The following ITGA6 variants were observed in gnomAD, a reference collection of about 807,000 sequenced individuals.
ITGA6 encodes the protein integrin alpha-6.
A neutral mutation model predicts 133.6 loss-of-function variants in ITGA6; 63 were observed. The observed-to-expected ratio is 0.47, with a 90% CI of 0.38 to 0.58. The LOEUF (loss-of-function observed/expected upper bound fraction) is 0.58. ITGA6 is among the 20% of genes least tolerant of loss of function. The pLI is 0.00. For synonymous variants in ITGA6, 434 were observed against 482.0 expected, an observed-to-expected ratio of 0.90 and a Z score of 1.30; for missense variants, 1,068 against 1,309.4, an observed-to-expected ratio of 0.82 and a Z score of 2.85.
At chr2:172,502,450 C>T (rs112319896) in intron 25 of ITGA6, among the ~76,000 whole-genome samples, 1 of 152,182 alleles carries the variant, frequency 6.6e-6, no homozygotes, top group East Asian at 1.9e-4. Flanking sequence ...ATGCTTTTTA[C>T]TGTTGCTCAG....
chr2:172,503,225 A>G (rs1687419839), intron 25 of ITGA6, among the ~76,000 whole-genome samples: 1 of 152,144 alleles, frequency 6.6e-6, no homozygotes, highest in African/African-American at 2.4e-5. Context: ...TTTTAAAAAA[A>G]GTAAATATAT....
chr2:172,463,668 T>A (rs1328350887), intron 1 of ITGA6, among the ~76,000 whole-genome samples: 1 of 152,166 alleles, frequency 6.6e-6, no homozygotes, highest in African/African-American at 2.4e-5. Context: ...CCTCTGTTTC[T>A]TTATCTGTAA....
chr2:172,428,100 CGCACCCA>C (rs1447337721), intron 1 of ITGA6, 130 bp downstream of exon 1: 1 of 841,460 alleles, frequency 1.2e-6, no homozygotes, highest in Non-Finnish European at 1.6e-6. Flanking sequence ...CCGGCCGAGG[CGCACCCA>C]GCGCCCAGCG....
At chr2:172,458,746 C>T (rs1559128422) in intron 1 of ITGA6, among the ~76,000 whole-genome samples, 1 of 151,848 alleles carries the variant, frequency 6.6e-6, no homozygotes, top group Non-Finnish European at 1.5e-5. Context: ...AGGCAATGGC[C>T]GAAGCAAACC....
intron 1 of ITGA6, among the ~76,000 whole-genome samples, chr2:172,434,092 C>T (rs937626690): frequency 7.2e-5 from 11 of 152,112 alleles, no homozygotes; most frequent in Non-Finnish European, 1.3e-4. Context: ...GGTTTGAAAA[C>T]GATTTATTTT....
intron 25 of ITGA6, 23 bp from the exon 26 acceptor site, chr2:172,504,068 C>T: frequency 6.5e-7 from 1 of 1,539,236 alleles, no homozygotes; most frequent in Non-Finnish European, 8.8e-7. Flanking sequence ...ATTTGTTTCT[C>T]TTTCTCTTTC....
intron 1 of ITGA6, among the ~76,000 whole-genome samples, chr2:172,457,905 C>T (rs1405265386): frequency 6.6e-6 from 1 of 152,186 alleles, no homozygotes; most frequent in East Asian, 1.9e-4. Context: ...AAGCAGAAAG[C>T]AGATGGGATC....
At position 172,488,036 on chromosome 2, in the gene ITGA6, G is replaced by A. The variant is rs767830872; in HGVS notation, c.2400G>A (p.Ser800=). The A allele has an allele frequency of 4.3e-6, 7 of 1,613,772 alleles. No homozygotes were observed. Among genetic ancestry groups the A allele is most frequent in the Non-Finnish European group, 5.9e-6 (7 of 1,179,762 alleles). Residue 800 remains serine (S), a splice_region_variant and synonymous_variant, in exon 18 of 26, where the codon TCG becomes TCA. Transcript: ENST00000684293. ...KVVIELLLSV[S]GVAKPSQVYF... is the part of the protein sequence containing the mutation. Reference sequence around the variant, plus strand: ...TTATTGAACTGCTTTTATCGGTCTCGGGGTAAGTGTTTGTGTTTAGCATAA... The same window carrying A: ...TTATTGAACTGCTTTTATCGGTCTCAGGGTAAGTGTTTGTGTTTAGCATAA...
At chr2:172,479,603 C>T (rs1686338725) in intron 9 of ITGA6, 38 bp from the exon 10 acceptor site, 1 of 1,533,138 alleles carries the variant, frequency 6.5e-7, no homozygotes, top group Non-Finnish European at 9.0e-7. Context: ...TTCAAGGTAA[C>T]AGAGGCTGAG....
intron 20 of ITGA6, 49 bp downstream of exon 20, chr2:172,489,707 A>T (rs1686841684): frequency 6.7e-7 from 1 of 1,493,426 alleles, no homozygotes; most frequent in Admixed American, 1.7e-5. Flanking sequence ...AATTAGAGAA[A>T]CTAACTTGTT....
chr2:172,464,629 C>T (rs1335593872), intron 1 of ITGA6: 1 of 152,268 alleles, frequency 6.6e-6, no homozygotes, highest in Admixed American at 6.5e-5. Context: ...GTCATTGGAT[C>T]TCTAAAGAGC....
intron 23 of ITGA6, among the ~76,000 whole-genome samples, chr2:172,497,709 A>T (rs572384569): frequency 1.3e-5 from 2 of 152,130 alleles, no homozygotes; most frequent in East Asian, 3.9e-4. Context: ...TTGATAACAA[A>T]TTTTTTTTAA....
chr2:172,482,806 C>CAGT (rs2149063048), intron 11 of ITGA6, among the ~76,000 whole-genome samples: 1 of 152,338 alleles, frequency 6.6e-6, no homozygotes, highest in South Asian at 2.1e-4. Flanking sequence ...ACTATTGAAA[C>CAGT]TGTCAGTGTT....
chr2:172,504,922 AACC>A lies in ITGA6; in HGVS notation c.*856_*858del, dbSNP rs1274307811. On this transcript the variant is annotated 3_prime_UTR_variant, in exon 26 of 26. Transcript: ENST00000684293. ...GTATTTATTTTTTCTTTTCTTTACA[AACC>A]ATTTTGTTATTGACTAACAGGCCAA... 6.6e-6 allele frequency: 1 copy of A among 152,588 alleles called. No homozygotes were observed. Among genetic ancestry groups the A allele is most frequent in the Non-Finnish European group, 1.5e-5 (1 of 68,024 alleles). 9.5% of individuals were successfully genotyped at this position (152,588 alleles called of 1,614,324 possible).
Position 172,487,515 on chromosome 2 carries a change from G to A in ITGA6, c.2161-32G>A, listed in dbSNP as rs910669891. 4 of 1,611,626 alleles carry A rather than the reference G, an allele frequency of 2.5e-6. No homozygotes were observed. In the African/African-American group the frequency reaches 5.3e-5, roughly 22 times the overall value. ...AATCAACACTGTGTGGCAAATGAGTGGATTGTGACCTAGCGTGTGTTTCTT... is the reference window on the plus strand; with the variant it reads ...AATCAACACTGTGTGGCAAATGAGTAGATTGTGACCTAGCGTGTGTTTCTT... On this transcript the variant is annotated intron_variant, in intron 15 of 25. Coordinates refer to ENST00000684293, the MANE Select transcript of ITGA6 (RefSeq NM_000210.4).
At chr2:172,475,216 C>G (rs1362504802) in intron 7 of ITGA6, 94 bp downstream of exon 7, 1 of 908,966 alleles carries the variant, frequency 1.1e-6, no homozygotes, top group African/African-American at 1.7e-5. Context: ...GCCTGTAATC[C>G]CAGCACTTTG....
intron 1 of ITGA6, among the ~76,000 whole-genome samples, chr2:172,449,781 C>A (rs1445439463): frequency 1.3e-5 from 2 of 151,944 alleles, no homozygotes; most frequent in Non-Finnish European, 2.9e-5. Flanking sequence ...ATTAGCCCGG[C>A]ATGGTGGCAC....
At chr2:172,427,994 C>A in intron 1 of ITGA6, 24 bp downstream of exon 1, 1 of 1,590,858 alleles carries the variant, frequency 6.3e-7, no homozygotes, top group Non-Finnish European at 8.5e-7. Flanking sequence ...CCCTTCCCAC[C>A]CCCACTGGGG....
chr2:172,469,346 T>G lies in ITGA6; in HGVS notation c.609T>G (p.Ile203Met). 6.2e-7 allele frequency: 1 copy of G among 1,614,114 alleles called. No homozygotes were observed. Among genetic ancestry groups the G allele is most frequent in the Non-Finnish European group, 8.5e-7 (1 of 1,179,956 alleles). Residue 203 changes from isoleucine to methionine, a missense_variant, in exon 4 of 26, where the codon ATT becomes ATG. By Grantham distance (10) the Ile-to-Met change is conservative. Coordinates refer to ENST00000684293, the MANE Select transcript of ITGA6 (RefSeq NM_000210.4). ...AATFTKDFHY[I>M]VFGAPGTYNW... is the part of the protein sequence containing the mutation. Reference sequence around the variant, plus strand: ...CTTTTACTAAAGACTTTCATTACATTGTATTTGGAGCCCCGGGTACTTATA... The same window carrying G: ...CTTTTACTAAAGACTTTCATTACATGGTATTTGGAGCCCCGGGTACTTATA...
Sources: gnomAD v4.1 joint callset for allele counts (sites outside exome capture counted in the v4.1 genomes callset) on GRCh38, gnomAD v4.1.1 for gene constraint, MANE v1.5 for transcripts, NCBI Gene and HGNC (gene_info 2026-07-23, HGNC 2026-07-21) for gene names.